Variants in PITPNC1 observed in about 807,000 individuals in gnomAD.
PITPNC1 encodes the protein cytoplasmic phosphatidylinositol transfer protein 1.
A neutral mutation model predicts 44.7 loss-of-function variants in PITPNC1; 18 were observed. That is an observed-to-expected ratio of 0.40 (90% CI 0.28 to 0.60). The LOEUF is 0.60. Among genes scored for constraint, PITPNC1 ranks in the 20% least tolerant of loss-of-function variants. PITPNC1 has a pLI of 0.39. For missense variants in PITPNC1, 290 were observed against 418.4 expected, an observed-to-expected ratio of 0.69 and a Z score of 2.68; for synonymous variants, 141 against 149.6, an observed-to-expected ratio of 0.94 and a Z score of 0.42.
chr17:67,452,194 T>C (rs968101086), intron 1 of PITPNC1, among the ~76,000 whole-genome samples: 4 of 151,238 alleles, frequency 2.6e-5, no homozygotes, highest in Non-Finnish European at 5.9e-5. Context: ...TTGTTTTGTA[T>C]AGACGGGGGT....
Position 67,692,868 on chromosome 17 carries a change from T to C in PITPNC1, c.979T>C (p.Cys327Arg). ...LPGMHSSDKP[C>R]RPKSE ...CGGCATGCACTCTTCAGATAAGCCA[T>C]GTCGGCCCAAATCTGAGTAACTTTA... is the stretch of plus-strand genomic sequence containing the variant. Residue 327 changes from cysteine to arginine, a missense_variant, in exon 9 of 9, where the codon TGT (cysteine) becomes CGT (arginine). Coordinates refer to ENST00000581322, the MANE Select transcript of PITPNC1 (RefSeq NM_012417.4). The C allele has an allele frequency of 1.9e-6, 3 of 1,605,292 alleles. No individual in the cohort carries two copies. Among genetic ancestry groups the C allele is most frequent in the Non-Finnish European group, 2.6e-6 (3 of 1,172,760 alleles).
chr17:67,653,571 G>A lies in PITPNC1; in HGVS notation c.463-15937G>A, dbSNP rs140951613. On this transcript the variant is annotated intron_variant, in intron 6 of 8. Transcript: ENST00000581322. ...GTTGTTGTTGTTGTCTGTGATACTTGATACAGCAGGAAACGAATAGACTAG... is the reference window on the plus strand; with the variant it reads ...GTTGTTGTTGTTGTCTGTGATACTTAATACAGCAGGAAACGAATAGACTAG... 5.3e-5 allele frequency among the ~76,000 whole-genome samples: 8 copies of A among 152,270 alleles called. No homozygotes were observed. The East Asian group carries it at 1.5e-3, about 29-fold the overall frequency.
chr17:67,516,557 A>G (rs4791287), intron 1 of PITPNC1, among the ~76,000 whole-genome samples: 104,426 of 152,052 alleles, frequency 0.69, 36,072 homozygotes, highest in East Asian at 0.77. Flanking sequence ...TGAGGTAGTG[A>G]AGTTTTGCTG....
chr17:67,531,853 G>A (rs4262981), intron 1 of PITPNC1, among the ~76,000 whole-genome samples: 115,478 of 151,874 alleles, frequency 0.76, 43,924 homozygotes, highest in Admixed American at 0.8. Flanking sequence ...ACTCTGAGCA[G>A]GGTTGTACCT....
chr17:67,486,423 A>G (rs2039778729), intron 1 of PITPNC1, among the ~76,000 whole-genome samples: 3 of 152,204 alleles, frequency 2.0e-5, no homozygotes, highest in East Asian at 3.9e-4. Context: ...TCCTATGGCA[A>G]GTCTGTATGT....
At chr17:67,425,347 C>T (rs2038748122) in intron 1 of PITPNC1, among the ~76,000 whole-genome samples, 2 of 151,424 alleles carry the variant, frequency 1.3e-5, no homozygotes, top group South Asian at 2.1e-4. Context: ...GAAATGGTCA[C>T]AGCTTATTCA....
intron 1 of PITPNC1, among the ~76,000 whole-genome samples, chr17:67,388,101 C>T (rs2038081519): frequency 1.3e-5 from 2 of 152,148 alleles, no homozygotes; most frequent in African/African-American, 4.8e-5. Flanking sequence ...CCCTGATCCT[C>T]TATGTCCTCC....
intron 1 of PITPNC1, among the ~76,000 whole-genome samples, chr17:67,502,902 T>C (rs1040923813): frequency 2.6e-5 from 4 of 152,066 alleles, no homozygotes; most frequent in South Asian, 2.1e-4. Flanking sequence ...CAAGCGATTC[T>C]CCTGCCTCAG....
At chr17:67,459,113 CT>C (rs886333854) in intron 1 of PITPNC1, among the ~76,000 whole-genome samples, 535 of 95,718 alleles carry the variant, frequency 5.6e-3, no homozygotes, top group African/African-American at 8.9e-3. Flanking sequence ...TTTTCTTTTT[CT>C]TTTTTTTTTT....
chr17:67,619,075 A>AAAAATAT (rs1315364433), intron 5 of PITPNC1, among the ~76,000 whole-genome samples: 2 of 152,118 alleles, frequency 1.3e-5, no homozygotes, highest in Non-Finnish European at 2.9e-5. Context: ...ATAAAAAATA[A>AAAAATAT]AAATAAAAAA....
chr17:67,504,709 T>C (rs2144076355), intron 1 of PITPNC1, among the ~76,000 whole-genome samples: 1 of 152,360 alleles, frequency 6.6e-6, no homozygotes, highest in Middle Eastern at 3.4e-3. Flanking sequence ...CTTTTGGTTT[T>C]GTTCAGTTTC....
intron 1 of PITPNC1, among the ~76,000 whole-genome samples, chr17:67,512,340 A>G (rs1232688213): frequency 6.6e-6 from 1 of 152,136 alleles, no homozygotes; most frequent in Non-Finnish European, 1.5e-5. Context: ...TCTCTACTAA[A>G]ATACAAAAAA....
Position 67,541,846 on chromosome 17 carries a change from G to T in PITPNC1, c.197+8896G>T, listed in dbSNP as rs183387306. Among the ~76,000 whole-genome samples the T allele has an allele frequency of 4.2e-3, 638 of 152,300 alleles. 1 individual carries two copies. The highest frequency in any genetic ancestry group is 6.7e-3 in the Non-Finnish European group (453 of 68,032). On this transcript the variant is annotated intron_variant, in intron 2 of 8. Coordinates refer to ENST00000581322, the MANE Select transcript of PITPNC1 (RefSeq NM_012417.4). ...CAGGACCAATGGGACCAAGACCAGT[G>T]GGTAGGAATGCCAGGAGAAAGACTT...
chr17:67,475,403 G>A (rs2039612230), intron 1 of PITPNC1, among the ~76,000 whole-genome samples: 1 of 152,176 alleles, frequency 6.6e-6, no homozygotes, highest in Non-Finnish European at 1.5e-5. Flanking sequence ...GGGTGTTTGG[G>A]ACTCTTACTC....
At chr17:67,405,115 C>T (rs533960402) in intron 1 of PITPNC1, among the ~76,000 whole-genome samples, 83 of 152,056 alleles carry the variant, frequency 5.5e-4, no homozygotes, top group African/African-American at 1.9e-3. Context: ...GGCATGATGG[C>T]GCACACCTGT....
chr17:67,398,466 A>G (rs1411938012), intron 1 of PITPNC1, among the ~76,000 whole-genome samples: 6 of 152,000 alleles, frequency 3.9e-5, no homozygotes, highest in Admixed American at 2.0e-4. Context: ...CTGTAGCCCA[A>G]TTGGTTCAAC....
At chr17:67,523,263 G>A (rs779189619) in intron 1 of PITPNC1, among the ~76,000 whole-genome samples, 4 of 152,150 alleles carry the variant, frequency 2.6e-5, no homozygotes, top group Non-Finnish European at 5.9e-5. Flanking sequence ...TTTACATAAG[G>A]AAAAGATAGT....
intron 5 of PITPNC1, among the ~76,000 whole-genome samples, chr17:67,622,213 C>T (rs1334410861): frequency 2.0e-5 from 3 of 146,662 alleles, no homozygotes; most frequent in East Asian, 2.0e-4. Flanking sequence ...GCCGAGATTG[C>T]GCCACTGCAC....
At chr17:67,619,166 A>G (rs1322644275) in intron 5 of PITPNC1, among the ~76,000 whole-genome samples, 1 of 152,224 alleles carries the variant, frequency 6.6e-6, no homozygotes, top group African/African-American at 2.4e-5. Flanking sequence ...TATGCCTTCT[A>G]ACAGGCATGT....
Sources: gnomAD v4.1 joint callset for allele counts (sites outside exome capture counted in the v4.1 genomes callset) on GRCh38, gnomAD v4.1.1 for gene constraint, MANE v1.5 for transcripts, NCBI Gene and HGNC (gene_info 2026-07-23, HGNC 2026-07-21) for gene names.